The following PIKFYVE variants were observed in gnomAD, a reference collection of about 807,000 sequenced individuals.
PIKFYVE encodes 1-phosphatidylinositol 3-phosphate 5-kinase.
In PIKFYVE, 122 loss-of-function variants were observed where a neutral mutation model predicts 257.9. That is an observed-to-expected ratio of 0.47 (90% CI 0.41 to 0.55). PIKFYVE has a LOEUF of 0.55. PIKFYVE is among the 20% of genes least tolerant of loss of function. The pLI is 0.00. For synonymous variants in PIKFYVE, 892 were observed against 868.9 expected (o/e 1.03, Z -0.47); for missense variants, 2,160 against 2,536.6 (o/e 0.85, Z 3.19).
chr2:208,356,246 G>A lies in PIKFYVE; in HGVS notation c.*941G>A, dbSNP rs1700153827. 6.6e-6 allele frequency: 1 copy of A among 152,190 alleles called. No homozygotes were observed. Among genetic ancestry groups the A allele is most frequent in the Non-Finnish European group, 1.5e-5 (1 of 68,030 alleles). The allele number at this position is 152,190 out of a possible 1,614,324, so 9.4% of individuals were successfully genotyped here. ...CTTGTTTTATTCACAGAGGTAAAGT[G>A]TCTTTTCAATATAACCAGCAATTTA... On this transcript the variant is annotated 3_prime_UTR_variant, in exon 42 of 42. Transcript: ENST00000264380.
At chr2:208,300,012 G>C (rs1240386863) in intron 8 of PIKFYVE, among the ~76,000 whole-genome samples, 1 of 152,054 alleles carries the variant, frequency 6.6e-6, no homozygotes, top group Non-Finnish European at 1.5e-5. Flanking sequence ...GGGCAACATA[G>C]CAAGACCTTG....
At chr2:208,271,245 A>T (rs1441464158) in intron 1 of PIKFYVE, among the ~76,000 whole-genome samples, 2 of 152,182 alleles carry the variant, frequency 1.3e-5, no homozygotes, top group Admixed American at 6.5e-5. Flanking sequence ...AATTTTTATT[A>T]ATTTAAATCT....
intron 17 of PIKFYVE, among the ~76,000 whole-genome samples, chr2:208,322,397 A>C (rs1444187820): frequency 2.0e-5 from 3 of 150,336 alleles, no homozygotes; most frequent in African/African-American, 7.3e-5. Flanking sequence ...AAAAAAAAAA[A>C]ACTTAGAAAT....
At chr2:208,276,679 T>TA in intron 3 of PIKFYVE, 33 bp from the exon 4 acceptor site, 1 of 1,514,194 alleles carries the variant, frequency 6.6e-7, no homozygotes, top group Non-Finnish European at 9.2e-7. Flanking sequence ...TAGGGACTGT[T>TA]AACAAGGTTG....
At chr2:208,350,509 C>CT (rs1699676573) in intron 36 of PIKFYVE, among the ~76,000 whole-genome samples, 1 of 151,976 alleles carries the variant, frequency 6.6e-6, no homozygotes, top group Admixed American at 6.6e-5. Flanking sequence ...AAAATTAGAA[C>CT]TGAGTCTTTT....
rs954005103 is a variant in PIKFYVE at position 208,355,446 on chromosome 2, T to C, written c.*141T>C. On this transcript the variant is annotated 3_prime_UTR_variant, in exon 42 of 42. Transcript: ENST00000264380. ...TTCAGTTCTGTGGCTGTTTAGACTG[T>C]CCGTAATGGAATGGTAAAACTCCAT... 4.5e-6 allele frequency: 3 copies of C among 666,232 alleles called. No individual in the cohort carries two copies. Among genetic ancestry groups the C allele is most frequent in the African/African-American group, 3.6e-5 (2 of 55,156 alleles). 41.3% of individuals were successfully genotyped at this position (666,232 alleles called of 1,614,324 possible).
At chr2:208,354,427 A>G in intron 40 of PIKFYVE, 144 bp from the exon 41 acceptor site, 1 of 874,694 alleles carries the variant, frequency 1.1e-6, no homozygotes, top group Non-Finnish European at 1.8e-6. Context: ...GTGTGGAGAA[A>G]CCCTGAGAAC....
chr2:208,298,404 A>T (rs1693254499), intron 7 of PIKFYVE, among the ~76,000 whole-genome samples: 1 of 151,818 alleles, frequency 6.6e-6, no homozygotes, highest in Non-Finnish European at 1.5e-5. Flanking sequence ...TTTTAGACAC[A>T]CATAGAATTG....
At chr2:208,308,257 C>T (rs902236261) in intron 12 of PIKFYVE, among the ~76,000 whole-genome samples, 10 of 151,708 alleles carry the variant, frequency 6.6e-5, no homozygotes, top group East Asian at 1.9e-4. Flanking sequence ...AAAAATTAGC[C>T]GGGTGTGGTG....
At chr2:208,296,841 TAAC>T (rs943927255) in intron 7 of PIKFYVE, among the ~76,000 whole-genome samples, 4 of 152,208 alleles carry the variant, frequency 2.6e-5, no homozygotes, top group Non-Finnish European at 4.4e-5. Context: ...CTATTGGATT[TAAC>T]AACAACATTG....
In PIKFYVE at chr2:208,324,941, C is replaced by G; in HGVS notation, c.2362C>G (p.Gln788Glu). Residue 788 changes from glutamine to glutamate, a missense_variant, in exon 19 of 42, where the codon CAA (glutamine) becomes GAA (glutamate). Physicochemically the swap from Gln to Glu is conservative, Grantham distance 29. Around this residue, in one of 12 missense-constraint regions of PIKFYVE, gnomAD observed 346 missense variants for 365.6 expected, o/e 0.95. Transcript: ENST00000264380. ...QVLERISRMT[Q>E]GDLVMSMDQL... ...TTTGGAACGAATCAGTCGAATGACC[C>G]AAGGTGATTTAGTGATGTCAATGGA... The G allele has an allele frequency of 6.2e-7, 1 of 1,613,920 alleles. No homozygotes were observed. Among genetic ancestry groups the G allele is most frequent in the South Asian group, 1.1e-5 (1 of 91,080 alleles).
intron 9 of PIKFYVE, 55 bp from the exon 10 acceptor site, chr2:208,302,187 C>G: frequency 6.8e-7 from 1 of 1,465,860 alleles, no homozygotes; most frequent in African/African-American, 1.4e-5. Context: ...TTATCTGGTA[C>G]TTAACTATTC....
intron 14 of PIKFYVE, among the ~76,000 whole-genome samples, chr2:208,314,929 G>A (rs921213059): frequency 1.3e-5 from 2 of 151,936 alleles, no homozygotes; most frequent in African/African-American, 2.4e-5. Context: ...GCCCCAAACT[G>A]TGCTTGTCTG....
intron 17 of PIKFYVE, among the ~76,000 whole-genome samples, chr2:208,321,565 C>CT: frequency 9.2e-5 from 1 of 10,828 alleles, no homozygotes; most frequent in Non-Finnish European, 5.8e-4. Flanking sequence ...TTTTCTTTTT[C>CT]TTTTCTTTTG....
rs538773923 is a variant in PIKFYVE at position 208,319,814 on chromosome 2, T to C, written c.2083-438T>C. Among the ~76,000 whole-genome samples, 24 of 152,314 alleles carry C rather than the reference T, an allele frequency of 1.6e-4. No homozygotes were observed. In the South Asian group the frequency reaches 3.9e-3, roughly 25 times the overall value. ...GAAATTTATTCTATTAGCAATATGT[T>C]CAGGAGGCATTTTAATTCTTTTCTC... On this transcript the variant is annotated intron_variant, in intron 16 of 41. Coordinates refer to ENST00000264380, the MANE Select transcript of PIKFYVE (RefSeq NM_015040.4).
rs1553538567 is a variant in PIKFYVE, at chr2:208,358,399, G to GTTTTTGTTT, written c.*3099_*3100insGTTTTTTTT. The GTTTTTGTTT allele has an allele frequency of 2.0e-5, 3 of 147,784 alleles. No individual in the cohort carries two copies. The highest frequency in any genetic ancestry group is 2.1e-4 in the South Asian group (1 of 4,734). 9.2% of individuals were successfully genotyped at this position (147,784 alleles called of 1,614,324 possible). On this transcript the variant is annotated 3_prime_UTR_variant, in exon 42 of 42. Transcript: ENST00000264380. Reference sequence around the variant, plus strand: ...CATCTAGTGCAATGTTTTTGTTTTTGTTTTTTTTTTGGTAACACAGGTGCA... The same window carrying GTTTTTGTTT: ...CATCTAGTGCAATGTTTTTGTTTTTGTTTTTGTTTTTTTTTTTTTGGTAACACAGGTGCA...
rs911141186 is a variant in PIKFYVE, at chr2:208,330,792, C to T, written c.3963+98C>T. 13 of 1,212,246 alleles carry T rather than the reference C, an allele frequency of 1.1e-5. No homozygotes were observed. The East Asian group carries it at 1.7e-4, about 15-fold the overall frequency. 75.1% of individuals were successfully genotyped at this position (1,212,246 alleles called of 1,614,324 possible). ...GAGGTTTCCTATATGGTACTGGATT[C>T]GTTATTTGTTATAGAGCTCTATTTG... On this transcript the variant is annotated intron_variant, in intron 23 of 41. Transcript: ENST00000264380.
At chr2:208,304,056 A>T in intron 10 of PIKFYVE, 115 bp from the exon 11 acceptor site, 1 of 1,278,064 alleles carries the variant, frequency 7.8e-7, no homozygotes, top group Non-Finnish European at 1.1e-6. Flanking sequence ...TATTTTTATA[A>T]AATTCAATTG....
chr2:208,326,594 T>TA (rs1420248944), intron 20 of PIKFYVE, among the ~76,000 whole-genome samples, 165 bp downstream of exon 20: 1 of 152,222 alleles, frequency 6.6e-6, no homozygotes, highest in Non-Finnish European at 1.5e-5. Flanking sequence ...GCTTATGTGT[T>TA]ACTTTAATAT....
Sources: gnomAD v4.1 joint callset for allele counts (sites outside exome capture counted in the v4.1 genomes callset) on GRCh38, gnomAD v4.1.1 for gene constraint, gnomAD v4.1.1 regional missense constraint, MANE v1.5 for transcripts, NCBI Gene and HGNC (gene_info 2026-07-23, HGNC 2026-07-21) for gene names.